AEBP2: variants seen among roughly 807,000 people sequenced by gnomAD.
AEBP2 encodes AE binding protein 2.
A neutral mutation model predicts 50.8 loss-of-function variants in AEBP2; 10 were observed. The observed-to-expected ratio is 0.20, with a 90% CI of 0.12 to 0.33. The LOEUF is 0.33. AEBP2 is among the 10% of genes least tolerant of loss of function. The pLI, the probability that AEBP2 is intolerant of heterozygous loss-of-function variation, is 1.00. For missense variants in AEBP2, 570 were observed against 688.0 expected, an observed-to-expected ratio of 0.83 and a Z score of 1.92; for synonymous variants, 296 against 261.3, an observed-to-expected ratio of 1.13 and a Z score of -1.28.
intron 1 of AEBP2, among the ~76,000 whole-genome samples, chr12:19,440,946 A>G (rs376849265): frequency 2.6e-4 from 39 of 152,356 alleles, no homozygotes; most frequent in African/African-American, 9.1e-4. Context: ...GTGGTCTCCA[A>G]CGTGATTTTA....
At chr12:19,457,484 C>G (rs1443255078) in intron 1 of AEBP2, 2 of 1,504,534 alleles carry the variant, frequency 1.3e-6, no homozygotes, top group Non-Finnish European at 1.8e-6. Flanking sequence ...CCCAGGCCTA[C>G]TTGAAGGAGC....
rs577116270 is a variant in AEBP2, at chr12:19,474,244, T to A, written c.987+889T>A. Among the ~76,000 whole-genome samples the A allele has an allele frequency of 2.6e-5, 4 of 152,348 alleles. No homozygotes were observed. The South Asian group carries it at 8.3e-4, about 32-fold the overall frequency. On this transcript the variant is annotated intron_variant, in intron 3 of 7. Transcript: ENST00000266508. ...AAAATTAAGTATTTTGGTTTCTATT[T>A]ATGGAAAGCAGCATATACCATAGAG...
intron 1 of AEBP2, among the ~76,000 whole-genome samples, chr12:19,459,592 C>T (rs998604344): frequency 6.6e-6 from 1 of 152,096 alleles, no homozygotes; most frequent in Admixed American, 6.5e-5. Flanking sequence ...GAAAAACCAC[C>T]ATACCCAAGG....
chr12:19,481,766 A>G (rs78328840), intron 3 of AEBP2, among the ~76,000 whole-genome samples: 7,379 of 152,284 alleles, frequency 0.048, 397 homozygotes, highest in Admixed American at 0.15. Flanking sequence ...GGCATGAGCC[A>G]CGGTGCCCAG....
Position 19,508,079 on chromosome 12 carries a change from A to G in AEBP2, c.1300-4319A>G, listed in dbSNP as rs545232749. ...GGCTTGCTGTGCTTGGTTGGCTTGCATTGTTTTTGTGTATTATTTCATTGT... is the reference window on the plus strand; with the variant it reads ...GGCTTGCTGTGCTTGGTTGGCTTGCGTTGTTTTTGTGTATTATTTCATTGT... On this transcript the variant is annotated intron_variant, in intron 5 of 7. Coordinates refer to ENST00000266508, the MANE Select transcript of AEBP2 (RefSeq NM_153207.5). Among the ~76,000 whole-genome samples the G allele has an allele frequency of 2.4e-4, 36 of 152,130 alleles. 1 individual carries two copies. Among genetic ancestry groups the G allele is most frequent in the Admixed American group, 1.9e-3 (29 of 15,280 alleles).
chr12:19,439,281 G>T (rs939724682), upstream of AEBP2, among the ~76,000 whole-genome samples: 1 of 152,054 alleles, frequency 6.6e-6, no homozygotes, highest in Non-Finnish European at 1.5e-5. Flanking sequence ...TAAAATCCCC[G>T]GCCAGCGTTG....
At chr12:19,407,057 C>T (rs1467798376) in intron 1 of AEBP2, among the ~76,000 whole-genome samples, 1 of 152,134 alleles carries the variant, frequency 6.6e-6, no homozygotes, top group Non-Finnish European at 1.5e-5. Flanking sequence ...ATCTCGGCTA[C>T]TCAGGAGGCT....
intron 1 of AEBP2, among the ~76,000 whole-genome samples, chr12:19,432,214 C>T (rs1003156541): frequency 2.0e-5 from 3 of 152,054 alleles, no homozygotes; most frequent in African/African-American, 4.8e-5. Context: ...TCAAATCTGT[C>T]GCCAGTCTAG....
chr12:19,425,916 C>G (rs989686829), intron 1 of AEBP2, among the ~76,000 whole-genome samples: 15 of 151,856 alleles, frequency 9.9e-5, no homozygotes, highest in Non-Finnish European at 2.9e-5. Flanking sequence ...ATGCTTGATT[C>G]CCAAGCTGTC....
chr12:19,472,848 AT>A (rs1455708497), intron 2 of AEBP2, among the ~76,000 whole-genome samples: 1 of 152,038 alleles, frequency 6.6e-6, no homozygotes, highest in Non-Finnish European at 1.5e-5. Context: ...AAAAAGGTAT[AT>A]TTTTACAAAA....
Position 19,493,856 on chromosome 12 carries a change from T to C in AEBP2, c.1044T>C (p.His348=), listed in dbSNP as rs1431746658. ...SFASQGGLAR[H]VPTHFSQQNS... ...CTTCTCAGGGAGGGCTAGCTCGTCA[T>C]GTACCCACACACTTCAGTCAGCAGA... Residue 348 remains histidine (H), a synonymous_variant, in exon 4 of 8, where the codon CAT becomes CAC. Coordinates refer to ENST00000266508, the MANE Select transcript of AEBP2 (RefSeq NM_153207.5). 1.9e-5 allele frequency: 31 copies of C among 1,613,966 alleles called. No individual in the cohort carries two copies. Among genetic ancestry groups the C allele is most frequent in the Non-Finnish European group, 2.6e-5 (31 of 1,179,874 alleles).
chr12:19,480,817 A>G (rs768131177), intron 3 of AEBP2, among the ~76,000 whole-genome samples: 2 of 152,092 alleles, frequency 1.3e-5, no homozygotes, highest in Non-Finnish European at 2.9e-5. Context: ...AGCTTCTTGT[A>G]TTTGGGTGTC....
Position 19,518,394 on chromosome 12 carries a change from A to ATACT in AEBP2, c.*277_*278insTACT, listed in dbSNP as rs1334046121. 5 of 1,231,416 alleles carry ATACT rather than the reference A, an allele frequency of 4.1e-6. No homozygotes were observed. The highest frequency in any genetic ancestry group is 5.1e-6 in the Non-Finnish European group (5 of 985,878). The allele number at this position is 1,231,416 out of a possible 1,614,324, so 76.3% of individuals were successfully genotyped here. A position where few individuals can be genotyped will look rare whatever the true frequency, so the allele number is the denominator to read the frequency against. On this transcript the variant is annotated 3_prime_UTR_variant, in exon 8 of 8. Transcript: ENST00000266508. ...GCAAACACTCTTTTGGCAACTTAGT[A>ATACT]GAACAGCTTCTTAAAGGCTTTGCAT... is the stretch of plus-strand genomic sequence containing the variant.
intron 6 of AEBP2, among the ~76,000 whole-genome samples, chr12:19,513,456 A>G (rs1427628716): frequency 1.3e-5 from 2 of 152,176 alleles, no homozygotes; most frequent in Admixed American, 6.6e-5. Flanking sequence ...ATGTGTACCT[A>G]ATTCACGTAT....
intron 1 of AEBP2, chr12:19,413,131 C>T: frequency 2.8e-6 from 2 of 712,698 alleles, no homozygotes; most frequent in Non-Finnish European, 5.2e-6. Flanking sequence ...TTCATTTGTT[C>T]TGACCCAAGT....
intron 5 of AEBP2, among the ~76,000 whole-genome samples, chr12:19,503,614 A>G (rs1173072350): frequency 6.6e-6 from 1 of 150,590 alleles, no homozygotes; most frequent in Non-Finnish European, 1.5e-5. Context: ...TACCTGATTG[A>G]TTGCTCTGGC....
At chr12:19,478,213 T>C (rs1948678950) in intron 3 of AEBP2, among the ~76,000 whole-genome samples, 1 of 152,240 alleles carries the variant, frequency 6.6e-6, no homozygotes, top group African/African-American at 2.4e-5. Flanking sequence ...TCTTTTCTTC[T>C]ACTGGGTTTG....
chr12:19,492,382 A>G (rs926523672), intron 3 of AEBP2, among the ~76,000 whole-genome samples: 4 of 152,162 alleles, frequency 2.6e-5, no homozygotes, highest in African/African-American at 9.7e-5. Flanking sequence ...CTTTGTTAAA[A>G]TAGCACATCT....
chr12:19,517,997 T>G, intron 7 of AEBP2, 90 bp from the exon 8 acceptor site: 1 of 1,184,406 alleles, frequency 8.4e-7, no homozygotes, highest in Non-Finnish European at 1.2e-6. Flanking sequence ...TCACATTGCC[T>G]GTATCTTATT....
Sources: allele counts gnomAD v4.1 joint callset (sites outside exome capture counted in the v4.1 genomes callset), GRCh38; gene constraint gnomAD v4.1.1; transcripts MANE v1.5; gene names NCBI Gene and HGNC (gene_info 2026-07-23, HGNC 2026-07-21).